The following JMJD1C variants were observed in gnomAD, a reference collection of about 807,000 sequenced individuals.
JMJD1C encodes the protein jumonji domain containing 1C, also known as jumonji domain-containing protein 1C.
A neutral mutation model predicts 245.3 loss-of-function variants in JMJD1C; 31 were observed. That is an observed-to-expected ratio of 0.13 (90% CI 0.09 to 0.17). The LOEUF is 0.17. JMJD1C is among the 10% of genes least tolerant of loss of function. JMJD1C has a pLI of 1.00. For missense variants in JMJD1C, 2,691 were observed against 3,000.2 expected (o/e 0.90, Z 2.41); for synonymous variants, 1,057 against 1,017.4 (o/e 1.04, Z -0.74).
rs1277363384 is a variant in JMJD1C, at chr10:63,465,482, C to T, written c.168+13G>A. 5 of 1,589,458 alleles carry T rather than the reference C, an allele frequency of 3.1e-6. No individual in the cohort carries two copies. Among genetic ancestry groups the T allele is most frequent in the Middle Eastern group, 1.9e-4 (1 of 5,346 alleles). ...GGCGCGGCAGGGGAAAAGGGGGGCG[C>T]TGACTCTCTTACCGCCAGGTCCGGA... On this transcript the variant is annotated intron_variant, in intron 1 of 25. Coordinates refer to ENST00000399262, the MANE Select transcript of JMJD1C (RefSeq NM_032776.3).
rs200505866 is a variant in JMJD1C, at chr10:63,194,290, A to C, written c.5730T>G (p.Gly1910=). The C allele has an allele frequency of 6.2e-7, 1 of 1,600,486 alleles. No homozygotes were observed. The highest frequency in any genetic ancestry group is 8.6e-7 in the Non-Finnish European group (1 of 1,167,786). ...ACATGAAGAAGATATACTTACCAGAACCAGGTATAATTTGGGTTGGCATTA... is the reference window on the plus strand; with the variant it reads ...ACATGAAGAAGATATACTTACCAGACCCAGGTATAATTTGGGTTGGCATTA... ...KHLMPTQIIP[G]SVLTDLLDAM... is the part of the protein sequence containing the mutation. The change falls in exon 14 of 26, where the codon GGT becomes GGG. Residue 1910 remains glycine, a synonymous_variant. Transcript: ENST00000399262.
intron 2 of JMJD1C, among the ~76,000 whole-genome samples, chr10:63,355,603 A>G (rs1288188545): frequency 3.9e-5 from 6 of 152,206 alleles, no homozygotes; most frequent in Non-Finnish European, 8.8e-5. Flanking sequence ...GAAAGAGGGA[A>G]CAACAGTAAA....
intron 2 of JMJD1C, among the ~76,000 whole-genome samples, chr10:63,305,627 G>GGC (rs1224078820): frequency 2.2e-4 from 13 of 58,608 alleles, no homozygotes; most frequent in Admixed American, 1.8e-3. Flanking sequence ...CCACCATGCT[G>GGC]GCGTGTGTGT....
intron 3 of JMJD1C, among the ~76,000 whole-genome samples, chr10:63,220,329 T>C (rs980273825): frequency 2.6e-5 from 4 of 152,170 alleles, no homozygotes; most frequent in Non-Finnish European, 4.4e-5. Context: ...TTTAAAGGTG[T>C]TGGCAAAAGA....
chr10:63,418,007 C>T (rs550572582), intron 1 of JMJD1C, among the ~76,000 whole-genome samples: 2 of 151,654 alleles, frequency 1.3e-5, no homozygotes, highest in Non-Finnish European at 3.0e-5. Flanking sequence ...ATTGAGACTG[C>T]ATTAAATATT....
At chr10:63,438,242 C>T (rs1356514423) in intron 1 of JMJD1C, among the ~76,000 whole-genome samples, 1 of 152,166 alleles carries the variant, frequency 6.6e-6, no homozygotes, top group East Asian at 1.9e-4. Flanking sequence ...AAAATGGTAA[C>T]TCTATGTTTT....
intron 2 of JMJD1C, among the ~76,000 whole-genome samples, chr10:63,367,652 G>C (rs1053988020): frequency 1.3e-5 from 2 of 152,192 alleles, no homozygotes; most frequent in Non-Finnish European, 2.9e-5. Context: ...CTGAAGAGAA[G>C]ACCTAGATTC....
intron 16 of JMJD1C, 60 bp downstream of exon 16, chr10:63,192,878 A>G (rs1845002988): frequency 2.4e-6 from 3 of 1,237,356 alleles, no homozygotes; most frequent in Non-Finnish European, 2.4e-6. Context: ...ACAATAGTAC[A>G]TTGTTGGTTA....
intron 1 of JMJD1C, among the ~76,000 whole-genome samples, chr10:63,443,943 C>G (rs1951541061): frequency 6.6e-6 from 1 of 152,196 alleles, no homozygotes; most frequent in Non-Finnish European, 1.5e-5. Context: ...AAATATACAA[C>G]TGTATACAGT....
At chr10:63,489,027 A>G (rs1954084438) in intron 1 of JMJD1C, among the ~76,000 whole-genome samples, 1 of 152,226 alleles carries the variant, frequency 6.6e-6, no homozygotes, top group African/African-American at 2.4e-5. Flanking sequence ...CTGGCATTAC[A>G]TCCTAGCAAA....
At chr10:63,410,741 A>G (rs752434315) in intron 1 of JMJD1C, among the ~76,000 whole-genome samples, 5 of 152,126 alleles carry the variant, frequency 3.3e-5, no homozygotes, top group Admixed American at 6.5e-5. Context: ...TGGTTTTCAT[A>G]ATACCCCACA....
At chr10:63,453,970 G>A (rs1225153698) in intron 1 of JMJD1C, among the ~76,000 whole-genome samples, 1 of 152,084 alleles carries the variant, frequency 6.6e-6, no homozygotes, top group Non-Finnish European at 1.5e-5. Flanking sequence ...TGATCCGCTC[G>A]CCTCAGCCTC....
At chr10:63,307,037 T>C (rs1294551656) in intron 2 of JMJD1C, among the ~76,000 whole-genome samples, 3 of 152,214 alleles carry the variant, frequency 2.0e-5, no homozygotes, top group Non-Finnish European at 2.9e-5. Flanking sequence ...TTAAAAACCA[T>C]TTTTCTGATA....
At chr10:63,405,628 T>C (rs1024694066) in intron 1 of JMJD1C, among the ~76,000 whole-genome samples, 5 of 152,290 alleles carry the variant, frequency 3.3e-5, no homozygotes, top group African/African-American at 1.2e-4. Context: ...CAGCCCCACA[T>C]GTACATTTAA....
chr10:63,398,572 T>C (rs186712784), intron 1 of JMJD1C, among the ~76,000 whole-genome samples: 1 of 152,290 alleles, frequency 6.6e-6, no homozygotes, highest in East Asian at 1.9e-4. Flanking sequence ...TGTCTAAATC[T>C]AGTAATTCAC....
At chr10:63,268,885 G>C in intron 2 of JMJD1C, 1 of 985,818 alleles carries the variant, frequency 1.0e-6, no homozygotes, top group Non-Finnish European at 1.2e-6. Flanking sequence ...CAAGACCACA[G>C]AACGAAGCAG....
At chr10:63,285,574 T>G (rs1386747189) in intron 2 of JMJD1C, among the ~76,000 whole-genome samples, 1 of 152,134 alleles carries the variant, frequency 6.6e-6, no homozygotes, top group African/African-American at 2.4e-5. Flanking sequence ...ATCCCAGCAC[T>G]TTGGGAAGCA....
intron 23 of JMJD1C, 84 bp downstream of exon 23, chr10:63,177,633 T>C: frequency 7.1e-7 from 1 of 1,413,366 alleles, no homozygotes; most frequent in Non-Finnish European, 9.9e-7. Flanking sequence ...GGTCTTATAT[T>C]GTTGAATGCC....
intron 3 of JMJD1C, among the ~76,000 whole-genome samples, chr10:63,246,424 T>C (rs921623143): frequency 1.1e-4 from 16 of 151,520 alleles, no homozygotes; most frequent in Admixed American, 2.0e-4. Context: ...TTCAAAGTGA[T>C]GAAAATAAAA....
Sources: gnomAD v4.1 joint callset for allele counts (sites outside exome capture counted in the v4.1 genomes callset) on GRCh38, gnomAD v4.1.1 for gene constraint, MANE v1.5 for transcripts, NCBI Gene and HGNC (gene_info 2026-07-23, HGNC 2026-07-21) for gene names.